TNFSF11: variants seen among roughly 807,000 people sequenced by gnomAD.
TNFSF11 encodes TNF superfamily member 11.
Under a neutral mutation model 32.2 loss-of-function variants are expected in TNFSF11, and 12 were observed. The ratio of observed to expected loss-of-function variants is 0.37; its 90% CI spans 0.24 to 0.60. The LOEUF (loss-of-function observed/expected upper bound fraction) is 0.60. TNFSF11 is among the 20% of genes least tolerant of loss of function. TNFSF11 has a pLI of 0.66. For missense variants in TNFSF11, 345 were observed against 398.0 expected, an observed-to-expected ratio of 0.87 and a Z score of 1.13; for synonymous variants, 172 against 152.1, an observed-to-expected ratio of 1.13 and a Z score of -0.96.
rs143681439 is a variant in TNFSF11, at chr13:42,604,469, T to G, written c.533-2028T>G. On this transcript the variant is annotated intron_variant, in intron 4 of 4. Coordinates refer to ENST00000398795, the MANE Select transcript of TNFSF11 (RefSeq NM_003701.4). ...CCCCGCTGCAGATAGGTTGTGGAGTTCAGGAAATATCCTGTTTCTGGACAG... is the reference window on the plus strand; with the variant it reads ...CCCCGCTGCAGATAGGTTGTGGAGTGCAGGAAATATCCTGTTTCTGGACAG... 2.9e-3 allele frequency among the ~76,000 whole-genome samples: 444 copies of G among 152,312 alleles called. 3 individuals carry two copies. Among genetic ancestry groups the G allele is most frequent in the African/African-American group, 0.01 (421 of 41,562 alleles).
chr13:42,573,905 A>T (rs1873164347), upstream of TNFSF11, among the ~76,000 whole-genome samples: 1 of 152,078 alleles, frequency 6.6e-6, no homozygotes, highest in Non-Finnish European at 1.5e-5. Context: ...CATCTCTTGG[A>T]CCTCCAGAAA....
intron 1 of TNFSF11, 126 bp from the exon 2 acceptor site, chr13:42,581,000 C>A: frequency 2.1e-6 from 2 of 954,612 alleles, no homozygotes; most frequent in South Asian, 1.4e-5. Flanking sequence ...ATTGTATTAA[C>A]TATTCATTGT....
rs575471345 is a variant in TNFSF11 at position 42,580,952 on chromosome 13, A to G, written c.220-174A>G. Among the ~76,000 whole-genome samples, 9 of 152,334 alleles carry G rather than the reference A, an allele frequency of 5.9e-5. No homozygotes were observed. In the South Asian group the frequency reaches 1.9e-3, roughly 32 times the overall value. On this transcript the variant is annotated intron_variant, in intron 1 of 4. Coordinates refer to ENST00000398795, the MANE Select transcript of TNFSF11 (RefSeq NM_003701.4). ...GGATGATAGTCAGTTACTCGTTCAA[A>G]TGAATTAGAAGTCAACGTTTTCACC... is the stretch of plus-strand genomic sequence containing the variant.
chr13:42,600,777 A>C lies in TNFSF11; in HGVS notation c.413A>C (p.Gln138Pro), dbSNP rs2058170898. ...QKELQHIVGS[Q>P]HIRAEKAMVD... is the part of the protein sequence containing the mutation. ...GAATTACAACATATCGTTGGATCAC[A>C]GCACATCAGAGCAGAGAAAGGTAAG... The change falls in exon 3 of 5, where the codon CAG becomes CCG. Residue 138 changes from glutamine (Q) to proline (P), a missense_variant. Physicochemically the swap from Gln to Pro is moderately conservative, Grantham distance 76. Around this residue, in one of 2 missense-constraint regions of TNFSF11, gnomAD observed 197 missense variants for 182.0 expected, o/e 1.08. Transcript: ENST00000398795. 1.2e-6 allele frequency: 2 copies of C among 1,614,040 alleles called. No individual in the cohort carries two copies. The highest frequency in any genetic ancestry group is 2.7e-5 in the African/African-American group (2 of 74,938).
At chr13:42,590,201 G>C (rs1248344720) in intron 2 of TNFSF11, among the ~76,000 whole-genome samples, 1 of 152,256 alleles carries the variant, frequency 6.6e-6, no homozygotes, top group African/African-American at 2.4e-5. Flanking sequence ...ATGAATATGT[G>C]AGTGACCTGT....
chr13:42,599,663 C>G (rs1301962639), intron 2 of TNFSF11, among the ~76,000 whole-genome samples: 1 of 152,022 alleles, frequency 6.6e-6, no homozygotes, highest in Non-Finnish European at 1.5e-5. Context: ...CGCAACCTCC[C>G]GGTTCAAGCG....
At chr13:42,594,921 TTTATGAG>T (rs999668977) in intron 2 of TNFSF11, among the ~76,000 whole-genome samples, 2 of 151,430 alleles carry the variant, frequency 1.3e-5, no homozygotes, top group African/African-American at 4.9e-5. Flanking sequence ...CCAGCATTTT[TTTATGAG>T]TTAAATAGAA....
chr13:42,591,700 G>C, intron 2 of TNFSF11, among the ~76,000 whole-genome samples: 1 of 152,196 alleles, frequency 6.6e-6, no homozygotes, highest in South Asian at 2.1e-4. Context: ...GTGAGCTTTA[G>C]GGGAGGGAGG....
At chr13:42,583,329 T>A (rs1170625157) in intron 2 of TNFSF11, among the ~76,000 whole-genome samples, 1 of 148,590 alleles carries the variant, frequency 6.7e-6, no homozygotes, top group African/African-American at 2.5e-5. Context: ...GGAGGACTGC[T>A]TGGGCCTGGG....
In TNFSF11 at chr13:42,574,502, T is replaced by G. The variant is rs1299388097; in HGVS notation, c.199T>G (p.Phe67Val). ...LGQVVCSVAL[F>V]FYFRAQMDPN... ...CCAGGTTGTCTGCAGCGTCGCCCTGTTCTTCTATTTCAGAGCGCAGGTGAG... is the reference window on the plus strand; with the variant it reads ...CCAGGTTGTCTGCAGCGTCGCCCTGGTCTTCTATTTCAGAGCGCAGGTGAG... The change falls in exon 1 of 5, where the codon TTC (phenylalanine) becomes GTC (valine). Residue 67 changes from phenylalanine to valine, a missense_variant. Transcript: ENST00000398795. 6.2e-7 allele frequency: 1 copy of G among 1,608,592 alleles called. No homozygotes were observed. Among genetic ancestry groups the G allele is most frequent in the African/African-American group, 1.3e-5 (1 of 74,894 alleles).
At chr13:42,569,654 G>T (rs1011799817), upstream of TNFSF11, among the ~76,000 whole-genome samples, 1 of 152,130 alleles carries the variant, frequency 6.6e-6, no homozygotes, top group African/African-American at 2.4e-5. Flanking sequence ...TCAGAGACTG[G>T]AGTGATGAGG....
chr13:42,566,471 A>G (rs1872872910), intron 1 of TNFSF11: 1 of 152,378 alleles, frequency 6.6e-6, no homozygotes, highest in Non-Finnish European at 1.5e-5. Flanking sequence ...TTGTTTACAG[A>G]GAAAGTTTGG....
Position 42,590,142 on chromosome 13 carries a change from G to C in TNFSF11, c.387+8849G>C, listed in dbSNP as rs982884888. The stretch of plus-strand genomic sequence containing the variant: ...TTTCCTTTCTACATTTCCAGCCCCA[G>C]TGGCAAGCACATAGTTGGTGCTCAG... On this transcript the variant is annotated intron_variant, in intron 2 of 4. Coordinates refer to ENST00000398795, the MANE Select transcript of TNFSF11 (RefSeq NM_003701.4). Among the ~76,000 whole-genome samples, 6 of 152,368 alleles carry C rather than the reference G, an allele frequency of 3.9e-5. No individual in the cohort carries two copies. In the East Asian group the frequency reaches 1.2e-3, roughly 29 times the overall value.
chr13:42,581,699 G>A (rs565443731), intron 2 of TNFSF11, among the ~76,000 whole-genome samples: 1 of 152,108 alleles, frequency 6.6e-6, no homozygotes. Context: ...TAATGGCAGG[G>A]CCCCTTATTC....
intron 1 of TNFSF11, among the ~76,000 whole-genome samples, chr13:42,576,108 G>A (rs781538712): frequency 2.1e-4 from 32 of 152,354 alleles, no homozygotes; most frequent in African/African-American, 7.7e-4. Context: ...AATCAGAAAA[G>A]GGATCAAAGA....
At position 42,574,333 on chromosome 13, in the gene TNFSF11, G is replaced by A. The variant is rs868453312; in HGVS notation, c.30G>A (p.Lys10=). The A allele has an allele frequency of 7.1e-6, 11 of 1,546,324 alleles. No individual in the cohort carries two copies. The East Asian group carries it at 2.7e-4, about 38-fold the overall frequency. Residue 10 remains lysine (K), a synonymous_variant, in exon 1 of 5, where the codon AAG becomes AAA. Transcript: ENST00000398795. ...GCCGCGCCAGCAGAGACTACACCAA[G>A]TACCTGCGTGGCTCGGAGGAGATGG... MRRASRDYT[K]YLRGSEEMGG...
At chr13:42,569,343 T>C (rs1872973956), upstream of TNFSF11, among the ~76,000 whole-genome samples, 1 of 151,656 alleles carries the variant, frequency 6.6e-6, no homozygotes, top group African/African-American at 2.4e-5. Context: ...GGTCGGGAGA[T>C]CGAGACCATC....
Position 42,601,040 on chromosome 13 carries a change from T to G in TNFSF11, c.532+59T>G, listed in dbSNP as rs1869148765. ...TTTAAGAGTCATTTATCAGCCCATT[T>G]CAATACTGAAACCTATTTTTAGTCT... is the stretch of plus-strand genomic sequence containing the variant. On this transcript the variant is annotated intron_variant, in intron 4 of 4. Transcript: ENST00000398795. 2.5e-6 allele frequency: 4 copies of G among 1,585,162 alleles called. No homozygotes were observed. In the Middle Eastern group the frequency reaches 6.7e-4, roughly 264 times the overall value.
At chr13:42,595,247 C>A (rs1460144834) in intron 2 of TNFSF11, among the ~76,000 whole-genome samples, 2 of 152,072 alleles carry the variant, frequency 1.3e-5, no homozygotes, top group African/African-American at 4.8e-5. Flanking sequence ...TTTGGTAGTT[C>A]GGTTTCCTTT....
Sources: gnomAD v4.1 joint callset for allele counts (sites outside exome capture counted in the v4.1 genomes callset) on GRCh38, gnomAD v4.1.1 for gene constraint, gnomAD v4.1.1 regional missense constraint, MANE v1.5 for transcripts, NCBI Gene and HGNC (gene_info 2026-07-23, HGNC 2026-07-21) for gene names.